Variants in PSEN2 observed in about 807,000 individuals in gnomAD.
PSEN2 encodes presenilin 2.
In PSEN2, 32 loss-of-function variants were observed where a neutral mutation model predicts 49.1. That is an observed-to-expected ratio of 0.65 (90% CI 0.49 to 0.88). The LOEUF (loss-of-function observed/expected upper bound fraction) is 0.88. Ranked by LOEUF, PSEN2 falls within the 40% of genes least tolerant of loss-of-function variation. PSEN2 has a pLI of 0.00. For missense variants in PSEN2, 522 were observed against 586.9 expected, an observed-to-expected ratio of 0.89 and a Z score of 1.14; for synonymous variants, 255 against 244.0, an observed-to-expected ratio of 1.05 and a Z score of -0.42.
At position 226,891,348 on chromosome 1, in the gene PSEN2, C is replaced by T. The variant is rs747932826; in HGVS notation, c.957C>T (p.Tyr319=). 8.7e-6 allele frequency: 14 copies of T among 1,612,860 alleles called. No individual in the cohort carries two copies. The highest frequency in any genetic ancestry group is 2.7e-5 in the African/African-American group (2 of 74,902). The change falls in exon 10 of 13, where the codon TAC becomes TAT. Residue 319 remains tyrosine (Y), a synonymous_variant. Coordinates refer to ENST00000366783, the MANE Select transcript of PSEN2 (RefSeq NM_000447.3). ...PSSQGALQLP[Y]DPEMEEDSYD... ...CTCAGGGTGCCCTCCAGCTCCCCTA[C>T]GACCCGGAGATGGGTGAGTATCTTG...
intron 4 of PSEN2, among the ~76,000 whole-genome samples, chr1:226,882,382 G>A (rs889723579): frequency 3.3e-5 from 5 of 152,236 alleles, no homozygotes; most frequent in African/African-American, 1.2e-4. Flanking sequence ...TAACACAGAA[G>A]CTTAGGATGG....
At chr1:226,881,609 C>A (rs1660994962) in intron 3 of PSEN2, among the ~76,000 whole-genome samples, 1 of 152,232 alleles carries the variant, frequency 6.6e-6, no homozygotes, top group Non-Finnish European at 1.5e-5. Context: ...AATGAGCACA[C>A]TGACAGTTTG....
At chr1:226,884,905 C>T (rs914270505) in intron 5 of PSEN2, among the ~76,000 whole-genome samples, 1 of 152,044 alleles carries the variant, frequency 6.6e-6, no homozygotes, top group African/African-American at 2.4e-5. Flanking sequence ...GAGTGAGACC[C>T]TGTCTCAAAA....
Position 226,894,070 on chromosome 1 carries a change from C to CCGTGGCACGCCGTGG in PSEN2, c.1137_1138insGTGGCACGCCGTGGC (p.Ala379_Thr380insValAlaArgArgGly), listed in dbSNP as rs1290670356. 1 of 1,614,094 alleles carries CCGTGGCACGCCGTGG rather than the reference C, an allele frequency of 6.2e-7. No homozygotes were observed. The highest frequency in any genetic ancestry group is 1.3e-5 in the African/African-American group (1 of 74,932). On this transcript the variant is annotated inframe_insertion, in exon 12 of 13. Coordinates refer to ENST00000366783, the MANE Select transcript of PSEN2 (RefSeq NM_000447.3). Reference sequence around the variant, plus strand: ...AGTGTGCTGGTGGGCAAGGCGGCTGCCACGGGCAGCGGGGACTGGAATACC... The same window carrying CCGTGGCACGCCGTGG: ...AGTGTGCTGGTGGGCAAGGCGGCTGCCGTGGCACGCCGTGGCACGGGCAGCGGGGACTGGAATACC...
chr1:226,894,080 C>T lies in PSEN2; in HGVS notation c.1146C>T (p.Ser382=), dbSNP rs760432548. Residue 382 remains serine (S), a synonymous_variant, in exon 12 of 13, where the codon AGC becomes AGT. Coordinates refer to ENST00000366783, the MANE Select transcript of PSEN2 (RefSeq NM_000447.3). ...VLVGKAAATG[S]GDWNTTLACF... is the part of the protein sequence containing the mutation. ...TGGGCAAGGCGGCTGCCACGGGCAG[C>T]GGGGACTGGAATACCACGCTGGCCT... 6 of 1,614,156 alleles carry T rather than the reference C, an allele frequency of 3.7e-6. No homozygotes were observed. The highest frequency in any genetic ancestry group is 4.2e-6 in the Non-Finnish European group (5 of 1,180,000).
chr1:226,895,360 A>G, intron 12 of PSEN2, 64 bp from the exon 13 acceptor site: 2 of 1,591,604 alleles, frequency 1.3e-6, no homozygotes, highest in South Asian at 1.1e-5. Flanking sequence ...GGACTAGACC[A>G]TGACTCACAG....
chr1:226,886,199 T>C (rs778243515), intron 6 of PSEN2, among the ~76,000 whole-genome samples: 1 of 152,242 alleles, frequency 6.6e-6, no homozygotes, highest in Non-Finnish European at 1.5e-5. Context: ...ATTATCCCAC[T>C]TGAGTTCCTC....
Position 226,876,483 on chromosome 1 carries a change from G to T in PSEN2, c.-21+933G>T, listed in dbSNP as rs16846584. ...TTGATGCTCGTTATTTTCCTTTAAA[G>T]AATTAATAGCCTAAAATAAACCCTA... On this transcript the variant is annotated intron_variant, in intron 3 of 12. Transcript: ENST00000366783. 8.9e-3 allele frequency among the ~76,000 whole-genome samples: 1,359 copies of T among 152,120 alleles called. 20 individuals carry two copies. Among genetic ancestry groups the T allele is most frequent in the African/African-American group, 0.031 (1,268 of 41,508 alleles).
rs1662108252 is a variant in PSEN2, at chr1:226,895,764, T to C, written c.*185T>C. The C allele has an allele frequency of 1.4e-6, 1 of 713,450 alleles. No homozygotes were observed. Among genetic ancestry groups the C allele is most frequent in the East Asian group, 2.7e-5 (1 of 36,548 alleles). The allele number at this position is 713,450 out of a possible 1,614,324, so 44.2% of individuals were successfully genotyped here. On this transcript the variant is annotated 3_prime_UTR_variant, in exon 13 of 13. Coordinates refer to ENST00000366783, the MANE Select transcript of PSEN2 (RefSeq NM_000447.3). ...TGCCAGCTGTTTCATCACCAGACTT[T>C]GGCTCCCGCTTTGGGGAGCGCCTCG...
intron 4 of PSEN2, among the ~76,000 whole-genome samples, chr1:226,883,391 T>A (rs1174176405): frequency 6.6e-6 from 1 of 152,208 alleles, no homozygotes; most frequent in Non-Finnish European, 1.5e-5. Flanking sequence ...TTGAGTGACC[T>A]CCTGAGTCCC....
rs201999478 is a variant in PSEN2, at chr1:226,890,142, G to T, written c.886+9G>T. On this transcript the variant is annotated intron_variant, in intron 9 of 12. Transcript: ENST00000366783. ...TGCCCTGATATACTCATGTGAGTGA[G>T]CCCCCCGTGCCTCTGCCTGACTCGG... 3 of 1,603,980 alleles carry T rather than the reference G, an allele frequency of 1.9e-6. No homozygotes were observed. In the African/African-American group the frequency reaches 4.0e-5, roughly 21 times the overall value.
intron 3 of PSEN2, among the ~76,000 whole-genome samples, chr1:226,879,424 C>T (rs1391171314): frequency 6.6e-6 from 1 of 152,194 alleles, no homozygotes; most frequent in Non-Finnish European, 1.5e-5. Context: ...CACTTCAGTT[C>T]ACATCTTCCT....
At chr1:226,903,182 C>T (rs1662370032) in intron 12 of PSEN2, among the ~76,000 whole-genome samples, 1 of 152,022 alleles carries the variant, frequency 6.6e-6, no homozygotes, top group Non-Finnish European at 1.5e-5. Context: ...GAAATACTTT[C>T]TTCTCCAAGC....
intron 7 of PSEN2, 38 bp from the exon 8 acceptor site, chr1:226,888,791 A>C (rs761306181): frequency 6.4e-7 from 1 of 1,571,052 alleles, no homozygotes; most frequent in Non-Finnish European, 8.8e-7. Context: ...TAATGCCTCC[A>C]CTGAGTCCCA....
In PSEN2 at chr1:226,883,901, CAG is replaced by C. The variant is rs1356978180; in HGVS notation, c.342_343del (p.Lys115GlufsTer11). ...ACCATCAAGTCTGTGCGCTTCTACA[CAG>C]AGAAGAATGGACAGCTGTGAGTTGG... is the stretch of plus-strand genomic sequence containing the variant. On this transcript the variant is annotated frameshift_variant, in exon 5 of 13. Coordinates refer to ENST00000366783, the MANE Select transcript of PSEN2 (RefSeq NM_000447.3). LOFTEE classifies it high-confidence loss of function. The C allele has an allele frequency of 3.1e-6, 5 of 1,599,752 alleles. No individual in the cohort carries two copies. Among genetic ancestry groups the C allele is most frequent in the Non-Finnish European group, 3.4e-6 (4 of 1,178,036 alleles).
At chr1:226,897,133 A>G (rs1390393543), downstream of PSEN2, among the ~76,000 whole-genome samples, 1 of 152,160 alleles carries the variant, frequency 6.6e-6, no homozygotes, top group Non-Finnish European at 1.5e-5. Context: ...CATGGAAGCC[A>G]CAGCGGGGAG....
chr1:226,887,701 G>A (rs2246221), intron 6 of PSEN2, among the ~76,000 whole-genome samples: 72,991 of 151,958 alleles, frequency 0.48, 17,738 homozygotes, highest in Middle Eastern at 0.64. Flanking sequence ...TTGTCTATAT[G>A]TCATCTAACA....
chr1:226,885,810 C>A, intron 6 of PSEN2, 131 bp downstream of exon 6: 1 of 973,114 alleles, frequency 1.0e-6, no homozygotes, highest in Non-Finnish European at 1.6e-6. Context: ...TTTTTGTACT[C>A]CTCCCCACCC....
At position 226,885,438 on chromosome 1, in the gene PSEN2, A is replaced by G. The variant is rs1392560470; in HGVS notation, c.357-100A>G. 10 of 1,388,910 alleles carry G rather than the reference A, an allele frequency of 7.2e-6. 1 individual carries two copies. The highest frequency in any genetic ancestry group is 2.5e-5 in the East Asian group (1 of 40,328). 86.0% of individuals were successfully genotyped at this position (1,388,910 alleles called of 1,614,324 possible). A position where few individuals can be genotyped will look rare whatever the true frequency, so the allele number is the denominator to read the frequency against. On this transcript the variant is annotated intron_variant, in intron 5 of 12. Transcript: ENST00000366783. The stretch of plus-strand genomic sequence containing the variant: ...AGGGCAGCATGTGGGCAGCATGGGC[A>G]TCCCAGGCACCTCCCCTAGCAGGTC...
Sources: allele counts gnomAD v4.1 joint callset (sites outside exome capture counted in the v4.1 genomes callset), GRCh38; gene constraint gnomAD v4.1.1; transcripts MANE v1.5; gene names NCBI Gene and HGNC (gene_info 2026-07-23, HGNC 2026-07-21).